Variants in PPP1R37 observed in about 807,000 individuals in gnomAD.
The protein encoded by PPP1R37 is leucine rich repeat containing 68.
In PPP1R37, 21 loss-of-function variants were observed where a neutral mutation model predicts 61.0. That is an observed-to-expected ratio of 0.34 (90% CI 0.24 to 0.50). The LOEUF is 0.50. PPP1R37 is among the 20% of genes least tolerant of loss of function. The pLI is 0.98. For missense variants in PPP1R37, 910 were observed against 952.7 expected (o/e 0.96, Z 0.59); for synonymous variants, 443 against 433.5 (o/e 1.02, Z -0.27).
intron 1 of PPP1R37, among the ~76,000 whole-genome samples, chr19:45,108,495 A>T (rs1022697854): frequency 2.0e-5 from 3 of 151,550 alleles, no homozygotes; most frequent in African/African-American, 7.3e-5. Flanking sequence ...GGCGTGAGTC[A>T]CTGCACCTGA....
At chr19:45,124,082 C>CTG (rs1968372507) in intron 1 of PPP1R37, among the ~76,000 whole-genome samples, 1 of 152,192 alleles carries the variant, frequency 6.6e-6, no homozygotes, top group South Asian at 2.1e-4. Flanking sequence ...CCACCCCATG[C>CTG]TGTCTTCCTA....
intron 1 of PPP1R37, chr19:45,137,107 T>C (rs1004144240): frequency 6.6e-6 from 1 of 151,272 alleles, no homozygotes; most frequent in African/African-American, 2.4e-5. Context: ...CATTGTGGCA[T>C]CTCCATGCCC....
Position 45,093,204 on chromosome 19 carries a change from G to A in PPP1R37, c.-122G>A, listed in dbSNP as rs1334476979. The A allele has an allele frequency of 2.5e-6, 2 of 810,026 alleles. No homozygotes were observed. Among genetic ancestry groups the A allele is most frequent in the African/African-American group, 1.8e-5 (1 of 55,050 alleles). The allele number at this position is 810,026 out of a possible 1,614,324, so 50.2% of individuals were successfully genotyped here. A position where few individuals can be genotyped will look rare whatever the true frequency, so the allele number is the denominator to read the frequency against. On this transcript the variant is annotated 5_prime_UTR_variant, in exon 1 of 13. Coordinates refer to ENST00000221462, the MANE Select transcript of PPP1R37 (RefSeq NM_019121.2). ...GACGACTACGACCACTAGGAGAGCGGACGGAGGCGGCGCCTGAAGCGGCGG... is the reference window on the plus strand; with the variant it reads ...GACGACTACGACCACTAGGAGAGCGAACGGAGGCGGCGCCTGAAGCGGCGG...
At chr19:45,129,235 T>G (rs1478513936) in intron 1 of PPP1R37, among the ~76,000 whole-genome samples, 1 of 152,220 alleles carries the variant, frequency 6.6e-6, no homozygotes, top group African/African-American at 2.4e-5. Context: ...ATGGCCTTGG[T>G]GAAGCTGCCA....
Position 45,147,119 on chromosome 19 carries a change from G to T in PPP1R37, c.*557G>T. 6.5e-6 allele frequency: 1 copy of T among 154,078 alleles called. No individual in the cohort carries two copies. The highest frequency in any genetic ancestry group is 2.0e-4 in the South Asian group (1 of 4,952). The allele number at this position is 154,078 out of a possible 1,614,324, so 9.5% of individuals were successfully genotyped here. ...CTGGGGCGGGAGCAGCCGGCACTCCGGGACCCTGCTGTCCAGGCCACTGGA... is the reference window on the plus strand; with the variant it reads ...CTGGGGCGGGAGCAGCCGGCACTCCTGGACCCTGCTGTCCAGGCCACTGGA... On this transcript the variant is annotated 3_prime_UTR_variant, in exon 13 of 13. Coordinates refer to ENST00000221462, the MANE Select transcript of PPP1R37 (RefSeq NM_019121.2).
chr19:45,105,399 G>C (rs993486796), intron 1 of PPP1R37, among the ~76,000 whole-genome samples: 1 of 152,110 alleles, frequency 6.6e-6, no homozygotes, highest in Non-Finnish European at 1.5e-5. Flanking sequence ...GATGGTGCCC[G>C]GGGTCCTTTC....
chr19:45,131,258 C>T (rs1968473449), intron 1 of PPP1R37, among the ~76,000 whole-genome samples: 1 of 152,190 alleles, frequency 6.6e-6, no homozygotes, highest in Admixed American at 6.5e-5. Flanking sequence ...GCGGCAGAGC[C>T]CCATCCCTGC....
At chr19:45,117,689 C>T (rs946031578) in intron 1 of PPP1R37, among the ~76,000 whole-genome samples, 2 of 152,158 alleles carry the variant, frequency 1.3e-5, no homozygotes, top group African/African-American at 4.8e-5. Flanking sequence ...GAAACCTAGC[C>T]TGGAGATTGT....
chr19:45,122,157 G>A (rs959198439), intron 1 of PPP1R37, among the ~76,000 whole-genome samples: 8 of 152,188 alleles, frequency 5.3e-5, no homozygotes, highest in African/African-American at 1.9e-4. Context: ...AGCAGAGGAC[G>A]GAACTGGACA....
chr19:45,145,802 G>A lies in PPP1R37; in HGVS notation c.1746G>A (p.Glu582=). Residue 582 remains glutamate, a synonymous_variant, in exon 11 of 13, where the codon GAG becomes GAA. Coordinates refer to ENST00000221462, the MANE Select transcript of PPP1R37 (RefSeq NM_019121.2). ...TRVESPPERA[E]PPASPTPPSP... Reference sequence around the variant, plus strand: ...TGGAGAGCCCGCCCGAGAGGGCAGAGCCCCCTGCGTCCCCCACCCCTCCCT... The same window carrying A: ...TGGAGAGCCCGCCCGAGAGGGCAGAACCCCCTGCGTCCCCCACCCCTCCCT... 1 of 1,489,790 alleles carries A rather than the reference G, an allele frequency of 6.7e-7. No homozygotes were observed. The allele number at this position is 1,489,790 out of a possible 1,614,324, so 92.3% of individuals were successfully genotyped here. A position where few individuals can be genotyped will look rare whatever the true frequency, so the allele number is the denominator to read the frequency against.
chr19:45,096,193 G>T (rs1967991232), intron 1 of PPP1R37, among the ~76,000 whole-genome samples: 1 of 152,134 alleles, frequency 6.6e-6, no homozygotes, highest in Admixed American at 6.5e-5. Context: ...GCCTGGATGT[G>T]GCTGCTTCAG....
At chr19:45,120,297 G>A (rs897150591) in intron 1 of PPP1R37, among the ~76,000 whole-genome samples, 3 of 152,286 alleles carry the variant, frequency 2.0e-5, no homozygotes, top group Non-Finnish European at 4.4e-5. Flanking sequence ...GATTAGAGGC[G>A]TGAGCCACCG....
chr19:45,106,266 A>T (rs1968129439), intron 1 of PPP1R37, among the ~76,000 whole-genome samples: 1 of 150,954 alleles, frequency 6.6e-6, no homozygotes, highest in Admixed American at 6.6e-5. Flanking sequence ...TTTGAGATGG[A>T]GTTTCGCTCT....
In PPP1R37 at chr19:45,145,392, G is replaced by T. The variant is rs1968676715; in HGVS notation, c.1336G>T (p.Glu446Ter). The T allele has an allele frequency of 1.3e-6, 2 of 1,535,416 alleles. No homozygotes were observed. Among genetic ancestry groups the T allele is most frequent in the Non-Finnish European group, 1.7e-6 (2 of 1,146,604 alleles). Residue 446 changes from glutamate (E) to a stop codon, truncating the protein, a stop_gained, in exon 11 of 13, where the codon GAG becomes TAG. Coordinates refer to ENST00000221462, the MANE Select transcript of PPP1R37 (RefSeq NM_019121.2). LOFTEE classifies it high-confidence loss of function. ...CGAGACGCAGAAGGCGCTGCTGGCC[G>T]AGATCCAGAACGGCTGCAAGCGCAA... The part of the protein sequence containing the change: ...FIETQKALLA[E>*]IQNGCKRNLV...
intron 5 of PPP1R37, 143 bp downstream of exon 5, chr19:45,141,584 C>G (rs1968612441): frequency 1.7e-6 from 2 of 1,156,624 alleles, no homozygotes; most frequent in Non-Finnish European, 2.4e-6. Flanking sequence ...GGCCCTCAGG[C>G]CAGGAGAACA....
At chr19:45,112,811 A>C (rs1968218723) in intron 1 of PPP1R37, among the ~76,000 whole-genome samples, 1 of 152,124 alleles carries the variant, frequency 6.6e-6, no homozygotes, top group African/African-American at 2.4e-5. Context: ...TGCCCGGGGC[A>C]CAGAGCAGGT....
chr19:45,100,653 A>G (rs1968050984), intron 1 of PPP1R37, among the ~76,000 whole-genome samples: 1 of 152,186 alleles, frequency 6.6e-6, no homozygotes, highest in African/African-American at 2.4e-5. Context: ...GAGTGCTTGG[A>G]CGCATTCGGT....
At position 45,145,463 on chromosome 19, in the gene PPP1R37, G is replaced by A; in HGVS notation, c.1407G>A (p.Gln469=). The change falls in exon 11 of 13, where the codon CAG becomes CAA. Residue 469 remains glutamine, a synonymous_variant. Transcript: ENST00000221462. ...REREEKEQPP[Q]LSASMPETTA... The stretch of plus-strand genomic sequence containing the variant: ...GGGAGGAGAAGGAGCAGCCGCCACA[G>A]CTGTCGGCCTCCATGCCTGAGACCA... 2 of 1,535,108 alleles carry A rather than the reference G, an allele frequency of 1.3e-6. No homozygotes were observed. The highest frequency in any genetic ancestry group is 1.7e-6 in the Non-Finnish European group (2 of 1,146,584).
Position 45,146,375 on chromosome 19 carries a change from C to T in PPP1R37, c.1994-15C>T, listed in dbSNP as rs542819325. 1.0e-5 allele frequency: 16 copies of T among 1,534,478 alleles called. No individual in the cohort carries two copies. The highest frequency in any genetic ancestry group is 7.3e-5 in the East Asian group (3 of 40,880). On this transcript the variant is annotated splice_polypyrimidine_tract_variant and intron_variant, in intron 11 of 12. Transcript: ENST00000221462. ...CACCCGCCTGACGGGGGTGCTGGCC[C>T]GTCCTCCCACACAGAACTGAGCTGC...
Sources: allele counts gnomAD v4.1 joint callset (sites outside exome capture counted in the v4.1 genomes callset), GRCh38; gene constraint gnomAD v4.1.1; transcripts MANE v1.5; gene names NCBI Gene and HGNC (gene_info 2026-07-23, HGNC 2026-07-21).